Variants in GAP43 observed in about 807,000 individuals in gnomAD.
GAP43 encodes the protein neuromodulin.
A neutral mutation model predicts 18.6 loss-of-function variants in GAP43; 6 were observed. The observed-to-expected ratio is 0.32, with a 90% CI of 0.18 to 0.64. The LOEUF is 0.64. Ranked by LOEUF, GAP43 falls within the 30% of genes least tolerant of loss-of-function variation. The pLI, the probability that GAP43 is intolerant of heterozygous loss-of-function variation, is 0.78. For missense variants in GAP43, 292 were observed against 295.5 expected (o/e 0.99, Z 0.09); for synonymous variants, 115 against 111.4 (o/e 1.03, Z -0.20).
chr3:115,719,805 G>A (rs1342680246), intron 2 of GAP43, among the ~76,000 whole-genome samples: 1 of 152,184 alleles, frequency 6.6e-6, no homozygotes, highest in Non-Finnish European at 1.5e-5. Flanking sequence ...GGTCTTGGGG[G>A]ACACTGACAC....
At chr3:115,698,050 T>TAATATATATTA (rs1399746809) in intron 2 of GAP43, among the ~76,000 whole-genome samples, 1 of 75,276 alleles carries the variant, frequency 1.3e-5, no homozygotes, top group African/African-American at 7.0e-5. Context: ...ATATTATATA[T>TAATATATATTA]TATATAAAAT....
At chr3:115,670,117 G>A (rs1198968804) in intron 1 of GAP43, among the ~76,000 whole-genome samples, 1 of 135,616 alleles carries the variant, frequency 7.4e-6, no homozygotes, top group Non-Finnish European at 1.6e-5. Context: ...TCTAGCATTA[G>A]GTATATCTCC....
At chr3:115,711,325 C>T (rs747277960) in intron 2 of GAP43, among the ~76,000 whole-genome samples, 15 of 152,086 alleles carry the variant, frequency 9.9e-5, no homozygotes, top group Non-Finnish European at 2.1e-4. Flanking sequence ...AATTATTTGA[C>T]GGCAAAGTGC....
chr3:115,664,060 A>G, intron 1 of GAP43: 1 of 761,654 alleles, frequency 1.3e-6, no homozygotes, highest in South Asian at 1.9e-5. Flanking sequence ...GTAAGATAAT[A>G]GTACCCATTG....
At chr3:115,698,181 T>TAAA in intron 2 of GAP43, among the ~76,000 whole-genome samples, 1 of 36,366 alleles carries the variant, frequency 2.7e-5, no homozygotes, top group Non-Finnish European at 4.9e-5. Context: ...TTAAATAATA[T>TAAA]ATATATTAAA....
chr3:115,663,887 C>T, intron 1 of GAP43: 1 of 1,552,118 alleles, frequency 6.4e-7, no homozygotes, highest in African/African-American at 1.4e-5. Context: ...TCCTTATTCA[C>T]TTGGCTTCTT....
At chr3:115,674,071 C>T (rs1411278014) in intron 1 of GAP43, among the ~76,000 whole-genome samples, 1 of 152,180 alleles carries the variant, frequency 6.6e-6, no homozygotes, top group Non-Finnish European at 1.5e-5. Flanking sequence ...GTCACTGGGG[C>T]AGAGCTGGTT....
chr3:115,655,741 A>G (rs192725360), intron 1 of GAP43, among the ~76,000 whole-genome samples: 6 of 152,346 alleles, frequency 3.9e-5, no homozygotes, highest in South Asian at 2.1e-4. Flanking sequence ...ATTGAATACT[A>G]TAATATTCAA....
chr3:115,698,139 T>TATTA (rs1559804283), intron 2 of GAP43, among the ~76,000 whole-genome samples: 53 of 14,602 alleles, frequency 3.6e-3, no homozygotes, highest in Admixed American at 9.9e-3. Flanking sequence ...ATAATATATA[T>TATTA]AATATATATT....
chr3:115,655,653 C>G (rs942886871), intron 1 of GAP43, among the ~76,000 whole-genome samples: 1 of 152,032 alleles, frequency 6.6e-6, no homozygotes, highest in Non-Finnish European at 1.5e-5. Context: ...TCACATGTAC[C>G]AAAACTTTGC....
intron 1 of GAP43, among the ~76,000 whole-genome samples, chr3:115,650,365 G>A (rs981056939): frequency 2.6e-5 from 4 of 152,136 alleles, no homozygotes; most frequent in Non-Finnish European, 4.4e-5. Flanking sequence ...GAAAACCTCA[G>A]TACTGATTAT....
At chr3:115,696,865 C>T (rs1709198386) in intron 2 of GAP43, among the ~76,000 whole-genome samples, 1 of 151,936 alleles carries the variant, frequency 6.6e-6, no homozygotes, top group Non-Finnish European at 1.5e-5. Flanking sequence ...AGAGTCCCAC[C>T]ATTGTTGCCC....
At chr3:115,648,823 C>A (rs1230731101) in intron 1 of GAP43, among the ~76,000 whole-genome samples, 1 of 151,884 alleles carries the variant, frequency 6.6e-6, no homozygotes, top group African/African-American at 2.4e-5. Context: ...ATCAGGGAAG[C>A]CAACAAAAAG....
intron 2 of GAP43, among the ~76,000 whole-genome samples, chr3:115,712,973 C>A (rs933540505): frequency 6.6e-6 from 1 of 151,998 alleles, no homozygotes; most frequent in African/African-American, 2.4e-5. Context: ...ATTCTCCTCA[C>A]ATCAAAATGA....
intron 2 of GAP43, among the ~76,000 whole-genome samples, chr3:115,714,216 G>A (rs1406516420): frequency 6.6e-6 from 1 of 152,146 alleles, no homozygotes; most frequent in African/African-American, 2.4e-5. Context: ...CTTCCCTTTT[G>A]AAGGATCCTT....
At chr3:115,719,458 A>G (rs1264326338) in intron 2 of GAP43, among the ~76,000 whole-genome samples, 1 of 152,030 alleles carries the variant, frequency 6.6e-6, no homozygotes, top group Non-Finnish European at 1.5e-5. Context: ...CTGAACATCT[A>G]TTTTTCTTCT....
At chr3:115,671,645 C>T (rs929174748) in intron 1 of GAP43, among the ~76,000 whole-genome samples, 3 of 152,134 alleles carry the variant, frequency 2.0e-5, no homozygotes, top group Non-Finnish European at 4.4e-5. Context: ...TTACTTAATT[C>T]GCAGATATCA....
chr3:115,715,422 C>A (rs1242790533), intron 2 of GAP43, among the ~76,000 whole-genome samples: 1 of 152,158 alleles, frequency 6.6e-6, no homozygotes, highest in Non-Finnish European at 1.5e-5. Context: ...TTCTATGTCA[C>A]CTGGTGTTGA....
chr3:115,672,744 C>CTCTCCTCTCCTCTCCTCTCA (rs1708829665), intron 1 of GAP43, among the ~76,000 whole-genome samples: 1 of 148,762 alleles, frequency 6.7e-6, no homozygotes, highest in Non-Finnish European at 1.5e-5. Flanking sequence ...CTCTCCTCTC[C>CTCTCCTCTCCTCTCCTCTCA]TCTCCTCTCC....
Sources: gnomAD v4.1 joint callset for allele counts (sites outside exome capture counted in the v4.1 genomes callset) on GRCh38, gnomAD v4.1.1 for gene constraint, MANE v1.5 for transcripts, NCBI Gene and HGNC (gene_info 2026-07-23, HGNC 2026-07-21) for gene names.